Variants in HS6ST3 observed in about 807,000 individuals in gnomAD.
HS6ST3 encodes heparan sulfate 6-O-sulfotransferase 3.
A neutral mutation model predicts 36.7 loss-of-function variants in HS6ST3; 12 were observed. The ratio of observed to expected loss-of-function variants is 0.33; its 90% CI spans 0.21 to 0.53. HS6ST3 has a LOEUF of 0.53. Ranked by LOEUF, HS6ST3 falls within the 20% of genes least tolerant of loss-of-function variation. HS6ST3 has a pLI of 0.95. For synonymous variants in HS6ST3, 240 were observed against 257.5 expected (o/e 0.93, Z 0.65); for missense variants, 584 against 640.9 (o/e 0.91, Z 0.96).
chr13:96,150,001 C>G (rs1202425273), intron 1 of HS6ST3, among the ~76,000 whole-genome samples: 1 of 152,136 alleles, frequency 6.6e-6, no homozygotes, highest in Non-Finnish European at 1.5e-5. Flanking sequence ...GGTTACAGCT[C>G]TTTTGTTTCT....
intron 1 of HS6ST3, among the ~76,000 whole-genome samples, chr13:96,433,227 G>T (rs1167950401): frequency 6.6e-6 from 1 of 152,124 alleles, no homozygotes; most frequent in Non-Finnish European, 1.5e-5. Context: ...GCTTCTTTAG[G>T]CAGGGGAGAA....
chr13:96,177,191 A>C (rs866504944), intron 1 of HS6ST3, among the ~76,000 whole-genome samples: 12 of 152,318 alleles, frequency 7.9e-5, no homozygotes, highest in African/African-American at 2.9e-4. Flanking sequence ...AATTAGTTCA[A>C]CCATTGTGGA....
intron 1 of HS6ST3, among the ~76,000 whole-genome samples, chr13:96,194,787 C>T (rs910450896): frequency 1.3e-5 from 2 of 151,788 alleles, no homozygotes; most frequent in African/African-American, 4.8e-5. Flanking sequence ...CACCCCCAAG[C>T]CTCTGGCAAC....
chr13:96,811,995 TG>T (rs1878325367), intron 1 of HS6ST3, among the ~76,000 whole-genome samples: 1 of 152,140 alleles, frequency 6.6e-6, no homozygotes, highest in South Asian at 2.1e-4. Context: ...GCCGGGGGGT[TG>T]GGGTGGGATG....
intron 1 of HS6ST3, among the ~76,000 whole-genome samples, chr13:96,575,385 C>T (rs2056316906): frequency 6.6e-6 from 1 of 152,186 alleles, no homozygotes; most frequent in Non-Finnish European, 1.5e-5. Context: ...CCTATGTTCT[C>T]AGAAACATAG....
At chr13:96,226,032 G>C (rs766168401) in intron 1 of HS6ST3, among the ~76,000 whole-genome samples, 2 of 152,014 alleles carry the variant, frequency 1.3e-5, no homozygotes, top group Non-Finnish European at 2.9e-5. Flanking sequence ...AGTGGTGGTG[G>C]GAATAATCAG....
At chr13:96,639,657 A>G (rs891716519) in intron 1 of HS6ST3, among the ~76,000 whole-genome samples, 5 of 151,898 alleles carry the variant, frequency 3.3e-5, no homozygotes, top group African/African-American at 1.2e-4. Context: ...CCAGATACTG[A>G]ATATAGTGCC....
At chr13:96,351,343 A>C (rs1346982648) in intron 1 of HS6ST3, among the ~76,000 whole-genome samples, 3 of 116,742 alleles carry the variant, frequency 2.6e-5, no homozygotes, top group Admixed American at 2.3e-4. Flanking sequence ...TTTAAAAAAA[A>C]CAAGGTCTTG....
chr13:96,826,286 T>C lies in HS6ST3; in HGVS notation c.708-6204T>C, dbSNP rs1878645364. Among the ~76,000 whole-genome samples the C allele has an allele frequency of 2.6e-5, 4 of 152,216 alleles. No homozygotes were observed. The South Asian group carries it at 8.3e-4, about 32-fold the overall frequency. ...ATATATTTTTTACTCCTTGCACACA[T>C]TTTAGGCATTTTAAAAGGTATCAGT... is the stretch of plus-strand genomic sequence containing the variant. On this transcript the variant is annotated intron_variant, in intron 1 of 1. Transcript: ENST00000376705.
intron 1 of HS6ST3, among the ~76,000 whole-genome samples, chr13:96,474,805 A>G (rs545837275): frequency 2.0e-5 from 3 of 152,316 alleles, no homozygotes; most frequent in South Asian, 2.1e-4. Flanking sequence ...AGTTTTAATT[A>G]TCTTTTTCAA....
intron 1 of HS6ST3, among the ~76,000 whole-genome samples, chr13:96,468,718 T>A (rs2055826544): frequency 6.6e-6 from 1 of 152,174 alleles, no homozygotes; most frequent in Non-Finnish European, 1.5e-5. Context: ...TAGAGCCTTG[T>A]TTACAGAGCC....
intron 1 of HS6ST3, among the ~76,000 whole-genome samples, chr13:96,804,277 A>G (rs1418274496): frequency 3.9e-5 from 6 of 152,196 alleles, no homozygotes; most frequent in African/African-American, 7.2e-5. Context: ...GCGAATCTCT[A>G]TAGAGAAATG....
intron 1 of HS6ST3, among the ~76,000 whole-genome samples, chr13:96,819,847 A>G (rs1310339285): frequency 6.6e-5 from 10 of 152,062 alleles, no homozygotes; most frequent in Non-Finnish European, 1.5e-5. Context: ...TGAGGTCAGG[A>G]GTTTGAGACC....
At chr13:96,687,250 A>T (rs1874808463) in intron 1 of HS6ST3, among the ~76,000 whole-genome samples, 1 of 152,002 alleles carries the variant, frequency 6.6e-6, no homozygotes, top group Non-Finnish European at 1.5e-5. Context: ...TCATAATAGA[A>T]TCTTTGTGTG....
rs140048813 is a variant in HS6ST3 at position 96,333,109 on chromosome 13, G to A, written c.707+241540G>A. Among the ~76,000 whole-genome samples, 3 of 152,298 alleles carry A rather than the reference G, an allele frequency of 2.0e-5. No homozygotes were observed. The East Asian group carries it at 5.8e-4, about 29-fold the overall frequency. On this transcript the variant is annotated intron_variant, in intron 1 of 1. Coordinates refer to ENST00000376705, the MANE Select transcript of HS6ST3 (RefSeq NM_153456.4). ...TAAGCTACTCAGCCTTTGAGATTTT[G>A]TTATAGCAGTGCGAATGGACCAAGA...
chr13:96,504,604 C>T (rs2056018809), intron 1 of HS6ST3, among the ~76,000 whole-genome samples: 1 of 151,896 alleles, frequency 6.6e-6, no homozygotes, highest in Non-Finnish European at 1.5e-5. Flanking sequence ...GAGAAATCAG[C>T]TATGGTACAG....
chr13:96,530,302 A>G (rs1294974498), intron 1 of HS6ST3, among the ~76,000 whole-genome samples: 2 of 152,136 alleles, frequency 1.3e-5, no homozygotes, highest in African/African-American at 4.8e-5. Context: ...ATAATTTGAA[A>G]TCCCATGATC....
At chr13:96,338,628 C>T (rs1271367053) in intron 1 of HS6ST3, among the ~76,000 whole-genome samples, 1 of 152,152 alleles carries the variant, frequency 6.6e-6, no homozygotes, top group African/African-American at 2.4e-5. Flanking sequence ...CCTCGAATTC[C>T]TGGGGTTTTG....
At chr13:96,242,947 A>G (rs2054568310) in intron 1 of HS6ST3, among the ~76,000 whole-genome samples, 1 of 152,232 alleles carries the variant, frequency 6.6e-6, no homozygotes, top group South Asian at 2.1e-4. Context: ...GACCATCCAC[A>G]GATAAATAGA....
Sources: gnomAD v4.1 joint callset for allele counts (sites outside exome capture counted in the v4.1 genomes callset) on GRCh38, gnomAD v4.1.1 for gene constraint, MANE v1.5 for transcripts, NCBI Gene and HGNC (gene_info 2026-07-23, HGNC 2026-07-21) for gene names.